NELL1: variants seen among roughly 807,000 people sequenced by gnomAD.
NELL1 encodes protein kinase C-binding protein NELL1.
Under a neutral mutation model 107.4 loss-of-function variants are expected in NELL1, and 76 were observed. The ratio of observed to expected loss-of-function variants is 0.71; its 90% confidence interval spans 0.59 to 0.86. The LOEUF (loss-of-function observed/expected upper bound fraction) is 0.86. NELL1 is among the 40% of genes least tolerant of loss of function. The pLI, the probability that NELL1 is intolerant of heterozygous loss-of-function variation, is 0.00. For synonymous variants in NELL1, 353 were observed against 341.2 expected, an observed-to-expected ratio of 1.03 and a Z score of -0.38; for missense variants, 1,024 against 1,005.5, an observed-to-expected ratio of 1.02 and a Z score of -0.25.
intron 14 of NELL1, among the ~76,000 whole-genome samples, chr11:21,301,583 G>T (rs1188883448): frequency 6.6e-6 from 1 of 151,976 alleles, no homozygotes; most frequent in African/African-American, 2.4e-5. Context: ...CCCACTTTTT[G>T]ATGGGGTTAT....
chr11:20,948,915 G>A (rs1851018816), intron 11 of NELL1, among the ~76,000 whole-genome samples: 1 of 152,040 alleles, frequency 6.6e-6, no homozygotes, highest in Non-Finnish European at 1.5e-5. Flanking sequence ...GGTCCCTGCA[G>A]CATAGCAATT....
rs188235974 is a variant in NELL1 at position 21,026,220 on chromosome 11, A to G, written c.1300+65660A>G. 5.3e-5 allele frequency among the ~76,000 whole-genome samples: 8 copies of G among 152,220 alleles called. No homozygotes were observed. In the East Asian group the frequency reaches 1.5e-3, roughly 29 times the overall value. ...TTTTCAGCTGCTTCCCAGTTCACTC[A>G]GTGTAAAAGCAAAGCTTGGAAGCCC... On this transcript the variant is annotated intron_variant, in intron 12 of 19. Coordinates refer to ENST00000357134, the MANE Select transcript of NELL1 (RefSeq NM_006157.5).
At chr11:21,410,738 A>G (rs1329815021) in intron 15 of NELL1, among the ~76,000 whole-genome samples, 1 of 151,986 alleles carries the variant, frequency 6.6e-6, no homozygotes, top group East Asian at 1.9e-4. Flanking sequence ...AGTGGAGAGA[A>G]TATTTGATAC....
At chr11:20,814,602 G>A (rs554384125) in intron 3 of NELL1, among the ~76,000 whole-genome samples, 7 of 152,154 alleles carry the variant, frequency 4.6e-5, no homozygotes, top group East Asian at 3.8e-4. Flanking sequence ...CTTCAGCTAC[G>A]TCCATGTTGC....
At chr11:21,013,922 G>C (rs1258584338) in intron 12 of NELL1, among the ~76,000 whole-genome samples, 2 of 152,062 alleles carry the variant, frequency 1.3e-5, no homozygotes, top group East Asian at 3.9e-4. Flanking sequence ...GTACTGGTCA[G>C]GTATTTTTTT....
intron 13 of NELL1, among the ~76,000 whole-genome samples, chr11:21,220,498 T>C (rs1313353111): frequency 6.6e-6 from 1 of 152,208 alleles, no homozygotes; most frequent in African/African-American, 2.4e-5. Flanking sequence ...ATTCTTTCAA[T>C]TCATGAACAT....
chr11:20,727,553 T>C (rs1855536995), intron 2 of NELL1, among the ~76,000 whole-genome samples: 1 of 152,228 alleles, frequency 6.6e-6, no homozygotes, highest in Non-Finnish European at 1.5e-5. Flanking sequence ...GGTTGCCTGT[T>C]CACTCTGATG....
intron 14 of NELL1, among the ~76,000 whole-genome samples, chr11:21,271,600 T>C (rs1033985703): frequency 4.6e-5 from 7 of 152,192 alleles, no homozygotes; most frequent in Admixed American, 3.9e-4. Context: ...TACAGAAGCA[T>C]TGGGAATACT....
intron 5 of NELL1, among the ~76,000 whole-genome samples, chr11:20,912,192 G>A (rs1003052239): frequency 1.1e-4 from 17 of 152,208 alleles, no homozygotes; most frequent in African/African-American, 3.6e-4. Context: ...GATCCTTGTG[G>A]ATAGTGCAAA....
intron 14 of NELL1, among the ~76,000 whole-genome samples, chr11:21,334,013 G>T (rs79599597): frequency 6.6e-6 from 1 of 152,132 alleles, no homozygotes; most frequent in African/African-American, 2.4e-5. Flanking sequence ...AGAAATTTCT[G>T]CATGTGCATT....
At chr11:21,482,980 C>G (rs760671167) in intron 15 of NELL1, among the ~76,000 whole-genome samples, 2 of 151,840 alleles carry the variant, frequency 1.3e-5, no homozygotes, top group East Asian at 3.9e-4. Context: ...TACCATTAGG[C>G]CTCTATAATT....
intron 3 of NELL1, among the ~76,000 whole-genome samples, chr11:20,836,401 A>T (rs544671022): frequency 6.6e-6 from 1 of 152,264 alleles, no homozygotes; most frequent in East Asian, 1.9e-4. Context: ...AGTTTCTTAC[A>T]AAGCTAAACA....
chr11:20,999,050 A>G (rs961478254), intron 12 of NELL1, among the ~76,000 whole-genome samples: 9 of 152,204 alleles, frequency 5.9e-5, no homozygotes, highest in African/African-American at 2.2e-4. Context: ...AAAAAGACTC[A>G]TAGAGTCCAA....
intron 2 of NELL1, among the ~76,000 whole-genome samples, chr11:20,698,447 A>G (rs944744225): frequency 1.5e-4 from 23 of 152,222 alleles, no homozygotes; most frequent in Non-Finnish European, 3.4e-4. Flanking sequence ...ATGCAAAATC[A>G]TAAGAATTAT....
At chr11:21,256,887 A>G (rs1858783306) in intron 14 of NELL1, among the ~76,000 whole-genome samples, 1 of 152,048 alleles carries the variant, frequency 6.6e-6, no homozygotes, top group African/African-American at 2.4e-5. Flanking sequence ...CAAGACATCC[A>G]GTGTTGGGTA....
chr11:21,342,642 TAA>T (rs369016970), intron 14 of NELL1, among the ~76,000 whole-genome samples: 1,614 of 120,690 alleles, frequency 0.013, 22 homozygotes, highest in African/African-American at 0.048. Flanking sequence ...AGACTGTCTT[TAA>T]AAAAAAAAAA....
chr11:20,692,396 C>A (rs1006585639), intron 2 of NELL1, among the ~76,000 whole-genome samples: 5 of 151,818 alleles, frequency 3.3e-5, no homozygotes, highest in African/African-American at 4.8e-5. Flanking sequence ...AATTTTGGGT[C>A]TTTCCTGCTT....
At chr11:21,255,607 A>G (rs16907794) in intron 14 of NELL1, among the ~76,000 whole-genome samples, 1,588 of 152,232 alleles carry the variant, frequency 0.01, 31 homozygotes, top group African/African-American at 0.037. Flanking sequence ...ATACATTTCT[A>G]CAGTAATCAG....
At chr11:21,386,725 G>A (rs1851755242) in intron 15 of NELL1, among the ~76,000 whole-genome samples, 1 of 151,874 alleles carries the variant, frequency 6.6e-6, no homozygotes, top group Non-Finnish European at 1.5e-5. Flanking sequence ...CAGCTATGTG[G>A]AAATACTGCA....
Sources: allele counts gnomAD v4.1 joint callset (sites outside exome capture counted in the v4.1 genomes callset), GRCh38; gene constraint gnomAD v4.1.1; transcripts MANE v1.5; gene names NCBI Gene and HGNC (gene_info 2026-07-23, HGNC 2026-07-21).